The following PHF14 variants were observed in gnomAD, a reference collection of about 807,000 sequenced individuals.
The protein encoded by PHF14 is PHD finger protein 14.
A neutral mutation model predicts 117.9 loss-of-function variants in PHF14; 55 were observed. That is an observed-to-expected ratio of 0.47 (90% CI 0.38 to 0.58). The LOEUF is 0.58. Among genes scored for constraint, PHF14 ranks in the 20% least tolerant of loss-of-function variants. PHF14 has a pLI of 0.00. For synonymous variants in PHF14, 409 were observed against 368.6 expected (o/e 1.11, Z -1.26); for missense variants, 978 against 1,122.2 (o/e 0.87, Z 1.84).
chr7:11,093,151 C>T (rs1034216095), intron 16 of PHF14, among the ~76,000 whole-genome samples: 14 of 152,178 alleles, frequency 9.2e-5, no homozygotes, highest in African/African-American at 2.9e-4. Context: ...TCCAAATATT[C>T]GGAGGATTTT....
Position 10,988,039 on chromosome 7 carries a change from GA to G in PHF14, c.901-2656del, listed in dbSNP as rs1188249886. On this transcript the variant is annotated intron_variant, in intron 3 of 17. Transcript: ENST00000634607. ...CTCAAAAAAAAAAAAAAAAGAAAAA[GA>G]AAAAAAAGAAAACTGAGATCCTAAT... 1.7e-3 allele frequency among the ~76,000 whole-genome samples: 243 copies of G among 143,610 alleles called. 3 individuals carry two copies. The highest frequency in any genetic ancestry group is 6.0e-3 in the African/African-American group (233 of 39,020). The allele number at this position is 143,610 out of a possible 152,430, so 94.2% of individuals were successfully genotyped here.
intron 17 of PHF14, among the ~76,000 whole-genome samples, chr7:11,157,484 A>G (rs371825757): frequency 3.9e-5 from 6 of 151,998 alleles, no homozygotes; most frequent in African/African-American, 1.4e-4. Context: ...TGATGCTTCT[A>G]TGGAGAAATT....
intron 16 of PHF14, 23 bp from the exon 17 acceptor site, chr7:11,111,327 C>G (rs1787437726): frequency 1.8e-6 from 2 of 1,128,736 alleles, no homozygotes; most frequent in Admixed American, 1.9e-5. Context: ...ATACACCTAC[C>G]TATAAATCTG....
At chr7:11,138,642 A>AT (rs1388302085) in intron 17 of PHF14, among the ~76,000 whole-genome samples, 3 of 152,192 alleles carry the variant, frequency 2.0e-5, no homozygotes, top group Non-Finnish European at 4.4e-5. Flanking sequence ...CTTAACAAAT[A>AT]TTTTAATTTC....
At chr7:11,090,541 A>G (rs1786603592) in intron 16 of PHF14, among the ~76,000 whole-genome samples, 1 of 152,190 alleles carries the variant, frequency 6.6e-6, no homozygotes, top group Admixed American at 6.5e-5. Context: ...GTAAATGTAG[A>G]TCTTTTTTTA....
intron 14 of PHF14, among the ~76,000 whole-genome samples, chr7:11,060,412 A>T (rs928586083): frequency 6.6e-6 from 1 of 152,224 alleles, no homozygotes; most frequent in African/African-American, 2.4e-5. Flanking sequence ...GCACAGAAGG[A>T]AAAGAGATGA....
At chr7:11,113,925 T>A (rs932104458) in intron 17 of PHF14, among the ~76,000 whole-genome samples, 1 of 152,164 alleles carries the variant, frequency 6.6e-6, no homozygotes, top group Non-Finnish European at 1.5e-5. Flanking sequence ...ATCTTAGGGC[T>A]TAAAAGAAAC....
chr7:11,028,004 A>G (rs578121226), intron 6 of PHF14, among the ~76,000 whole-genome samples: 2 of 152,294 alleles, frequency 1.3e-5, no homozygotes, highest in Non-Finnish European at 2.9e-5. Flanking sequence ...TAATGATTAC[A>G]TATATTTATA....
At chr7:11,129,115 G>A (rs1213891637) in intron 17 of PHF14, among the ~76,000 whole-genome samples, 1 of 151,974 alleles carries the variant, frequency 6.6e-6, no homozygotes, top group Admixed American at 6.6e-5. Flanking sequence ...ATTGTTCCTG[G>A]TAGTTCTCCA....
chr7:11,051,891 C>T, intron 14 of PHF14, 111 bp downstream of exon 14: 2 of 834,768 alleles, frequency 2.4e-6, no homozygotes, highest in Non-Finnish European at 3.7e-6. Context: ...AAAAAGACAT[C>T]TATTGGTTAT....
intron 16 of PHF14, among the ~76,000 whole-genome samples, chr7:11,067,358 A>G (rs1785458757): frequency 6.6e-6 from 1 of 152,232 alleles, no homozygotes. Flanking sequence ...GTTCTTGTAC[A>G]ATTGCCCTTG....
intron 17 of PHF14, among the ~76,000 whole-genome samples, chr7:11,148,445 C>A (rs532364199): frequency 6.6e-6 from 1 of 152,128 alleles, no homozygotes; most frequent in Non-Finnish European, 1.5e-5. Context: ...ATGACTGTTT[C>A]CTTCAAGTCA....
At chr7:11,043,091 T>C (rs1390340469) in intron 13 of PHF14, among the ~76,000 whole-genome samples, 2 of 152,056 alleles carry the variant, frequency 1.3e-5, no homozygotes, top group Non-Finnish European at 2.9e-5. Flanking sequence ...TTGTTCAGAA[T>C]TTCTCAAATG....
intron 17 of PHF14, among the ~76,000 whole-genome samples, chr7:11,138,041 C>CTTTTTTT (rs34783802): frequency 1.9e-4 from 27 of 145,560 alleles, no homozygotes; most frequent in African/African-American, 6.6e-4. Flanking sequence ...AAAAATACTT[C>CTTTTTTT]TTTTTTTTTT....
At chr7:11,045,575 T>C (rs1784636830) in intron 13 of PHF14, among the ~76,000 whole-genome samples, 1 of 152,208 alleles carries the variant, frequency 6.6e-6, no homozygotes, top group Admixed American at 6.5e-5. Flanking sequence ...CTATCCAGCC[T>C]TTTCTTCCAG....
chr7:11,156,527 G>T (rs112069568), intron 17 of PHF14, among the ~76,000 whole-genome samples: 5 of 152,146 alleles, frequency 3.3e-5, no homozygotes, highest in African/African-American at 9.7e-5. Context: ...GGGCGTGGTG[G>T]CTCATGCCTG....
chr7:11,103,960 G>A (rs989616750), intron 16 of PHF14: 14 of 984,402 alleles, frequency 1.4e-5, no homozygotes, highest in Non-Finnish European at 1.7e-5. Flanking sequence ...CACTATATTA[G>A]CTTAAGGAAA....
intron 2 of PHF14, among the ~76,000 whole-genome samples, chr7:10,978,916 T>G (rs1382127167): frequency 6.6e-6 from 1 of 152,164 alleles, no homozygotes; most frequent in African/African-American, 2.4e-5. Flanking sequence ...TGATTGGCTG[T>G]CTTCAAGACA....
chr7:11,046,865 A>C (rs922371014), intron 13 of PHF14, among the ~76,000 whole-genome samples: 1 of 151,790 alleles, frequency 6.6e-6, no homozygotes, highest in Non-Finnish European at 1.5e-5. Context: ...CTTAGACATA[A>C]GAAAAAAAAA....
Sources: allele counts gnomAD v4.1 joint callset (sites outside exome capture counted in the v4.1 genomes callset), GRCh38; gene constraint gnomAD v4.1.1; transcripts MANE v1.5; gene names NCBI Gene and HGNC (gene_info 2026-07-23, HGNC 2026-07-21).